CDK14: variants seen among roughly 807,000 people sequenced by gnomAD.
CDK14 encodes the protein cyclin-dependent kinase 14.
Under a neutral mutation model 60.7 loss-of-function variants are expected in CDK14, and 34 were observed. The observed-to-expected ratio is 0.56, with a 90% CI of 0.43 to 0.75. The LOEUF is 0.75. Among genes scored for constraint, CDK14 ranks in the 30% least tolerant of loss-of-function variants. The pLI is 0.00. For missense variants in CDK14, 482 were observed against 564.1 expected, an observed-to-expected ratio of 0.85 and a Z score of 1.47; for synonymous variants, 197 against 203.7, an observed-to-expected ratio of 0.97 and a Z score of 0.28.
chr7:90,955,982 C>G (rs907071945), intron 9 of CDK14, among the ~76,000 whole-genome samples, 165 bp downstream of exon 9: 17 of 152,200 alleles, frequency 1.1e-4, no homozygotes, highest in African/African-American at 3.9e-4. Context: ...GGAATGTTCT[C>G]TAATTAGAGT....
At chr7:90,887,784 A>G (rs1361068172) in intron 6 of CDK14, among the ~76,000 whole-genome samples, 1 of 152,196 alleles carries the variant, frequency 6.6e-6, no homozygotes, top group African/African-American at 2.4e-5. Context: ...AATTATATGA[A>G]CAAAATTATA....
intron 5 of CDK14, among the ~76,000 whole-genome samples, chr7:90,843,177 T>G (rs1790355368): frequency 6.6e-6 from 1 of 152,148 alleles, no homozygotes; most frequent in African/African-American, 2.4e-5. Context: ...CAACCAAAAT[T>G]TTGCACCCAA....
At position 90,665,314 on chromosome 7, in the gene CDK14, C is replaced by T. The variant is rs558848767; in HGVS notation, c.123+61065C>T. ...TAAATAAATAAATAAATAATAAAAA[C>T]ATAAAAAATAAAAAGCACTCATTCA... On this transcript the variant is annotated intron_variant, in intron 2 of 14. Coordinates refer to ENST00000380050, the MANE Select transcript of CDK14 (RefSeq NM_001287135.2). 4.7e-5 allele frequency among the ~76,000 whole-genome samples: 7 copies of T among 148,824 alleles called. No homozygotes were observed. In the East Asian group the frequency reaches 1.5e-3, roughly 31 times the overall value.
In CDK14 at chr7:90,672,827, T is replaced by A. The variant is rs565091129; in HGVS notation, c.124-53740T>A. The stretch of plus-strand genomic sequence containing the variant: ...GCCACCTCGCCTGGGTCATATTTTT[T>A]AAATACATTTATCTAGTTGATGGGC... On this transcript the variant is annotated intron_variant, in intron 2 of 14. Transcript: ENST00000380050. Among the ~76,000 whole-genome samples, 13 of 152,264 alleles carry A rather than the reference T, an allele frequency of 8.5e-5. No individual in the cohort carries two copies. The South Asian group carries it at 2.7e-3, about 32-fold the overall frequency.
At chr7:91,006,440 T>A (rs1795980915) in intron 10 of CDK14, among the ~76,000 whole-genome samples, 1 of 152,262 alleles carries the variant, frequency 6.6e-6, no homozygotes, top group Admixed American at 6.5e-5. Context: ...AACTCCTGGA[T>A]AGAAATTCCT....
chr7:91,130,918 T>G (rs753547975), intron 14 of CDK14, among the ~76,000 whole-genome samples: 1 of 152,056 alleles, frequency 6.6e-6, no homozygotes, highest in Non-Finnish European at 1.5e-5. Context: ...TAGCTCCTAT[T>G]AGACACAGCA....
At chr7:90,643,687 G>A (rs1320520639) in intron 2 of CDK14, among the ~76,000 whole-genome samples, 1 of 152,112 alleles carries the variant, frequency 6.6e-6, no homozygotes, top group Non-Finnish European at 1.5e-5. Context: ...GAGTTAGGAA[G>A]CCAGATGACA....
At chr7:91,030,559 T>G (rs1796732771) in intron 10 of CDK14, among the ~76,000 whole-genome samples, 1 of 151,998 alleles carries the variant, frequency 6.6e-6, no homozygotes, top group Non-Finnish European at 1.5e-5. Flanking sequence ...GCCTCTCAAA[T>G]GCCCCATCCT....
chr7:90,810,610 A>T (rs1485692236), intron 5 of CDK14, among the ~76,000 whole-genome samples: 2 of 151,674 alleles, frequency 1.3e-5, no homozygotes, highest in Non-Finnish European at 3.0e-5. Flanking sequence ...TAGTGTTGGA[A>T]GCCAGGGCAA....
intron 2 of CDK14, among the ~76,000 whole-genome samples, chr7:90,626,139 A>T (rs1443469630): frequency 1.3e-5 from 2 of 152,162 alleles, no homozygotes; most frequent in South Asian, 4.1e-4. Context: ...CCATTTACTT[A>T]GAGGCGGGAA....
At chr7:90,895,333 C>CTTCTTTCCTCTCCTT (rs1562817431) in intron 6 of CDK14, among the ~76,000 whole-genome samples, 17 of 59,730 alleles carry the variant, frequency 2.8e-4, no homozygotes, top group South Asian at 7.4e-4. Context: ...CTCCTTTCCT[C>CTTCTTTCCTCTCCTT]TCCTCTCCTC....
At chr7:90,899,772 A>G (rs755301256) in intron 7 of CDK14, among the ~76,000 whole-genome samples, 1 of 152,070 alleles carries the variant, frequency 6.6e-6, no homozygotes, top group Admixed American at 6.6e-5. Context: ...TTTTATTTCT[A>G]TGTACAAGCA....
At position 90,967,617 on chromosome 7, in the gene CDK14, A is replaced by T. The variant is rs373737688; in HGVS notation, c.947+11800A>T. 2.4e-4 allele frequency among the ~76,000 whole-genome samples: 36 copies of T among 152,326 alleles called. 1 individual carries two copies. In the South Asian group the frequency reaches 7.2e-3, roughly 31 times the overall value. On this transcript the variant is annotated intron_variant, in intron 9 of 14. Coordinates refer to ENST00000380050, the MANE Select transcript of CDK14 (RefSeq NM_001287135.2). ...AAAACCAACCTGAAAAGAAAGCCAT[A>T]CACTGGTTGATGAGATAGTGATGCA...
At chr7:91,165,679 G>A (rs1324002225) in intron 14 of CDK14, among the ~76,000 whole-genome samples, 1 of 152,126 alleles carries the variant, frequency 6.6e-6, no homozygotes, top group African/African-American at 2.4e-5. Context: ...ACAGGGCTTG[G>A]CTCAAATAGT....
Position 91,200,774 on chromosome 7 carries a change from AT to A in CDK14, c.*29-6383del, listed in dbSNP as rs375037425. ...GTTTAAAAGGCATACAGCTAAAATGATTTTTTTTATTTTCATTAAACTCTTA... is the reference window on the plus strand; with the variant it reads ...GTTTAAAAGGCATACAGCTAAAATGATTTTTTTATTTTCATTAAACTCTTA... On this transcript the variant is annotated intron_variant, in intron 14 of 14. Coordinates refer to ENST00000380050, the MANE Select transcript of CDK14 (RefSeq NM_001287135.2). 1.2e-4 allele frequency among the ~76,000 whole-genome samples: 19 copies of A among 152,156 alleles called. No individual in the cohort carries two copies. In the South Asian group the frequency reaches 3.9e-3, roughly 32 times the overall value.
At chr7:90,975,483 A>G (rs1346062262) in intron 9 of CDK14, among the ~76,000 whole-genome samples, 1 of 151,674 alleles carries the variant, frequency 6.6e-6, no homozygotes, top group Non-Finnish European at 1.5e-5. Context: ...TTGTGTTGGA[A>G]ACATTCAATA....
chr7:91,044,450 CA>C (rs1312705874), intron 10 of CDK14, among the ~76,000 whole-genome samples: 2 of 152,164 alleles, frequency 1.3e-5, no homozygotes, highest in Non-Finnish European at 2.9e-5. Context: ...ATGTTTCTTA[CA>C]TTTACAGACT....
At chr7:90,602,343 A>G (rs1164847171) in intron 1 of CDK14, among the ~76,000 whole-genome samples, 1 of 152,152 alleles carries the variant, frequency 6.6e-6, no homozygotes, top group Admixed American at 6.5e-5. Flanking sequence ...CTTATGTTAG[A>G]CTTTGTATTT....
In CDK14 at chr7:91,069,260, C is replaced by T. The variant is rs559751806; in HGVS notation, c.1106-10172C>T. Among the ~76,000 whole-genome samples, 59 of 152,284 alleles carry T rather than the reference C, an allele frequency of 3.9e-4. 1 individual carries two copies. The highest frequency in any genetic ancestry group is 1.5e-5 in the Non-Finnish European group (1 of 68,034). The stretch of plus-strand genomic sequence containing the variant: ...TTATAATTAAAAGCAGACAAGAAGT[C>T]AGGCACAGCGGCTCGTGCTTGTAAT... On this transcript the variant is annotated intron_variant, in intron 11 of 14. Transcript: ENST00000380050.
Sources: gnomAD v4.1 joint callset for allele counts (sites outside exome capture counted in the v4.1 genomes callset) on GRCh38, gnomAD v4.1.1 for gene constraint, MANE v1.5 for transcripts, NCBI Gene and HGNC (gene_info 2026-07-23, HGNC 2026-07-21) for gene names.